Variants in RAB40C observed in about 807,000 individuals in gnomAD.
RAB40C encodes ras-related protein Rab-40C.
A neutral mutation model predicts 28.1 loss-of-function variants in RAB40C; 8 were observed. The ratio of observed to expected loss-of-function variants is 0.28; its 90% CI spans 0.17 to 0.51. RAB40C has a LOEUF of 0.51. Ranked by LOEUF, RAB40C falls within the 20% of genes least tolerant of loss-of-function variation. The pLI, the probability that RAB40C is intolerant of heterozygous loss-of-function variation, is 0.97. For missense variants in RAB40C, 288 were observed against 405.9 expected, an observed-to-expected ratio of 0.71 and a Z score of 2.50; for synonymous variants, 201 against 171.7, an observed-to-expected ratio of 1.17 and a Z score of -1.34.
chr16:609,683 G>A (rs768935791), intron 1 of RAB40C, among the ~76,000 whole-genome samples: 3 of 152,170 alleles, frequency 2.0e-5, no homozygotes, highest in Non-Finnish European at 4.4e-5. Flanking sequence ...TCAGAGCACC[G>A]GAAGGAGCTT....
rs117940568 is a variant in RAB40C at position 625,570 on chromosome 16, C to T, written c.342+61C>T. ...CAGGCTGGATGGAGGTACCTGGGCC[C>T]CGGGTAGGCTCTGGATTCCCGCCTG... On this transcript the variant is annotated intron_variant, in intron 4 of 5. Transcript: ENST00000248139. The T allele has an allele frequency of 8.8e-4, 1,353 of 1,537,634 alleles. 1 individual carries two copies. The highest frequency in any genetic ancestry group is 1.2e-3 in the Non-Finnish European group (1,294 of 1,117,412).
At chr16:604,983 G>A (rs974672457) in intron 1 of RAB40C, among the ~76,000 whole-genome samples, 4 of 152,072 alleles carry the variant, frequency 2.6e-5, no homozygotes, top group African/African-American at 7.2e-5. Context: ...ACTTGAACCC[G>A]GGAGGCGGAG....
intron 2 of RAB40C, 97 bp downstream of exon 2, chr16:617,365 A>G (rs1471732086): frequency 1.5e-5 from 22 of 1,461,890 alleles, no homozygotes; most frequent in Non-Finnish European, 2.1e-5. Context: ...TCCTGTTTGC[A>G]TTTCACTTGG....
chr16:623,880 C>T (rs1395474253), intron 3 of RAB40C: 1 of 867,964 alleles, frequency 1.2e-6, no homozygotes, highest in Non-Finnish European at 1.4e-6. Context: ...TGCAGTGAGC[C>T]ATGATCGTGC....
chr16:625,387 C>T (rs930993361), intron 3 of RAB40C, 45 bp from the exon 4 acceptor site: 3 of 1,600,088 alleles, frequency 1.9e-6, no homozygotes, highest in Non-Finnish European at 2.6e-6. Context: ...CTGGGCTGGC[C>T]ATGCGTGTCA....
intron 1 of RAB40C, chr16:596,527 A>C (rs1379942520): frequency 2.9e-6 from 1 of 341,022 alleles, no homozygotes; most frequent in Non-Finnish European, 5.8e-6. Context: ...GGGCGTTTGG[A>C]GTAAGCAGGG....
In RAB40C at chr16:625,448, A is replaced by T; in HGVS notation, c.281A>T (p.Tyr94Phe). 3 of 1,613,330 alleles carry T rather than the reference A, an allele frequency of 1.9e-6. No individual in the cohort carries two copies. Among genetic ancestry groups the T allele is most frequent in the Non-Finnish European group, 2.5e-6 (3 of 1,179,810 alleles). Residue 94 changes from tyrosine to phenylalanine, a missense_variant, in exon 4 of 6, where the codon TAT becomes TTT. Tyr to Phe is a conservative substitution (Grantham distance 22, BLOSUM62 3). Around this residue, in one of 3 missense-constraint regions of RAB40C, gnomAD observed 153 missense variants for 262.4 expected, o/e 0.58. Coordinates refer to ENST00000248139, the MANE Select transcript of RAB40C (RefSeq NM_021168.5). Reference sequence around the variant, plus strand: ...CTGTTGCAGGGGATCCTCTTGGTGTATGACATCACCAACCGCTGGTCCTTT... The same window carrying T: ...CTGTTGCAGGGGATCCTCTTGGTGTTTGACATCACCAACCGCTGGTCCTTT... The part of the protein sequence containing the change: ...SRGAQGILLV[Y>F]DITNRWSFDG...
intron 1 of RAB40C, among the ~76,000 whole-genome samples, chr16:603,095 T>C (rs556903567): frequency 6.6e-6 from 1 of 152,284 alleles, no homozygotes; most frequent in South Asian, 2.1e-4. Context: ...CAGACCTGTG[T>C]TTTTTGTTTT....
intron 3 of RAB40C, among the ~76,000 whole-genome samples, chr16:618,781 A>G (rs2036647542): frequency 8.4e-6 from 1 of 118,458 alleles, no homozygotes. Flanking sequence ...CAGTGTGTGC[A>G]GGTGTGGTGT....
At chr16:590,976 G>A (rs894562757) in intron 1 of RAB40C, among the ~76,000 whole-genome samples, 1 of 151,344 alleles carries the variant, frequency 6.6e-6, no homozygotes, top group Non-Finnish European at 1.5e-5. Context: ...AGATGTCATG[G>A]TCCCGGTAGA....
intron 1 of RAB40C, among the ~76,000 whole-genome samples, chr16:591,507 T>C (rs1417563505): frequency 6.6e-6 from 1 of 152,208 alleles, no homozygotes; most frequent in Non-Finnish European, 1.5e-5. Context: ...TGCTTACTGC[T>C]GAGGGAGTCA....
chr16:616,986 C>A (rs1736176248), intron 1 of RAB40C: 1 of 569,610 alleles, frequency 1.8e-6, no homozygotes, highest in South Asian at 2.0e-5. Flanking sequence ...TCCTGCCCTG[C>A]CCTGCCCCGC....
At chr16:614,733 C>G (rs1483220034) in intron 1 of RAB40C, among the ~76,000 whole-genome samples, 1 of 151,536 alleles carries the variant, frequency 6.6e-6, no homozygotes, top group African/African-American at 2.4e-5. Context: ...CTAACTCTAC[C>G]ACATCCTGAT....
At chr16:606,632 C>T (rs1433506960) in intron 1 of RAB40C, among the ~76,000 whole-genome samples, 1 of 152,266 alleles carries the variant, frequency 6.6e-6, no homozygotes, top group Non-Finnish European at 1.5e-5. Context: ...GAATTCCGTT[C>T]TTGCTGGTGG....
chr16:590,211 G>C lies in RAB40C; in HGVS notation c.-81G>C. The C allele has an allele frequency of 9.1e-7, 1 of 1,101,054 alleles. No homozygotes were observed. Among genetic ancestry groups the C allele is most frequent in the East Asian group, 4.7e-5 (1 of 21,368 alleles). The allele number at this position is 1,101,054 out of a possible 1,614,324, so 68.2% of individuals were successfully genotyped here. A position where few individuals can be genotyped will look rare whatever the true frequency, so the allele number is the denominator to read the frequency against. ...GGGCGGACGCAACGGGCGCAGGTGCGGGGCGCGGGCTCTCTCACGCCGCGG... is the reference window on the plus strand; with the variant it reads ...GGGCGGACGCAACGGGCGCAGGTGCCGGGCGCGGGCTCTCTCACGCCGCGG... On this transcript the variant is annotated 5_prime_UTR_variant, in exon 1 of 6. Transcript: ENST00000248139.
At position 590,342 on chromosome 16, in the gene RAB40C, C is replaced by T. The variant is rs981413012; in HGVS notation, c.51C>T (p.Phe17=). Residue 17 remains phenylalanine (F), a synonymous_variant, in exon 1 of 6, where the codon TTC becomes TTT. Transcript: ENST00000248139. ...PVKSYDYLLK[F]LLVGDSDVGK... The stretch of plus-strand genomic sequence containing the variant: ...AGAGCTACGACTACCTGCTCAAGTT[C>T]CTGCTGGTGGGCGACAGCGACGTGG... The T allele has an allele frequency of 3.1e-6, 5 of 1,595,862 alleles. No individual in the cohort carries two copies. The African/African-American group carries it at 6.9e-5, about 22-fold the overall frequency.
chr16:615,545 T>G (rs1167224699), intron 1 of RAB40C, among the ~76,000 whole-genome samples: 1 of 152,196 alleles, frequency 6.6e-6, no homozygotes, highest in Non-Finnish European at 1.5e-5. Context: ...TCTGGAAAGT[T>G]TCCAGAGGGC....
intron 3 of RAB40C, among the ~76,000 whole-genome samples, chr16:621,723 C>A (rs1202435706): frequency 6.6e-6 from 1 of 152,232 alleles, no homozygotes; most frequent in Non-Finnish European, 1.5e-5. Context: ...CTCCTTGTAA[C>A]TGCAGTGTGG....
At chr16:605,173 C>T (rs141404679) in intron 1 of RAB40C, among the ~76,000 whole-genome samples, 203 of 152,168 alleles carry the variant, frequency 1.3e-3, no homozygotes, top group African/African-American at 4.5e-3. Context: ...TGCAGCGAGC[C>T]GTGATTGTTC....
Sources: gnomAD v4.1 joint callset for allele counts (sites outside exome capture counted in the v4.1 genomes callset) on GRCh38, gnomAD v4.1.1 for gene constraint, gnomAD v4.1.1 regional missense constraint, MANE v1.5 for transcripts, NCBI Gene and HGNC (gene_info 2026-07-23, HGNC 2026-07-21) for gene names.